SGCD: variants seen among roughly 807,000 people sequenced by gnomAD.
SGCD encodes the protein delta-sarcoglycan.
SGCD carries 18 observed loss-of-function variants against 36.6 expected under a neutral mutation model. The observed-to-expected ratio is 0.49, with a 90% CI of 0.34 to 0.73. The LOEUF (loss-of-function observed/expected upper bound fraction) is 0.73, where lower values mean the gene tolerates loss of function less well. SGCD is among the 30% of genes least tolerant of loss of function. The pLI is 0.01. For synonymous variants in SGCD, 133 were observed against 130.6 expected, an observed-to-expected ratio of 1.02 and a Z score of -0.12; for missense variants, 387 against 346.7, an observed-to-expected ratio of 1.12 and a Z score of -0.92.
chr5:155,835,624 T>C, the SGCD span, among the ~76,000 whole-genome samples: 1 of 152,240 alleles, frequency 6.6e-6, no homozygotes, highest in Non-Finnish European at 1.5e-5. Context: ...ATATCCATTA[T>C]CTCACATAGT....
At chr5:156,212,010 T>C (rs1325895970) in intron 3 of SGCD, among the ~76,000 whole-genome samples, 1 of 151,926 alleles carries the variant, frequency 6.6e-6, no homozygotes, top group Non-Finnish European at 1.5e-5. Flanking sequence ...CGACAAGAGG[T>C]ACACAAATGA....
At chr5:156,358,665 G>A (rs924991181) in intron 3 of SGCD, among the ~76,000 whole-genome samples, 3 of 152,172 alleles carry the variant, frequency 2.0e-5, no homozygotes, top group East Asian at 1.9e-4. Context: ...TCAAATAAAT[G>A]TAAAAGAACA....
rs191466174 is a variant in SGCD at position 156,037,863 on chromosome 5, A to G, written c.-281-80015A>G. ...AGCTCTTTGAAGAAACATAATACTT[A>G]TCATGTCAATATAATATATTGCATC... On this transcript the variant is annotated intron_variant, in intron 1 of 9. Coordinates refer to the SGCD transcript ENST00000517913. Among the ~76,000 whole-genome samples the G allele has an allele frequency of 2.3e-4, 35 of 152,332 alleles. No individual in the cohort carries two copies. The East Asian group carries it at 6.8e-3, about 29-fold the overall frequency.
At chr5:156,452,647 G>T (rs1754071433) in intron 3 of SGCD, among the ~76,000 whole-genome samples, 1 of 152,138 alleles carries the variant, frequency 6.6e-6, no homozygotes, top group Non-Finnish European at 1.5e-5. Context: ...AGGGTCCTTG[G>T]ATTTTCTTTC....
At chr5:156,531,288 T>A (rs1212079382) in intron 4 of SGCD, among the ~76,000 whole-genome samples, 1 of 152,200 alleles carries the variant, frequency 6.6e-6, no homozygotes, top group East Asian at 1.9e-4. Context: ...TTAGACTTTG[T>A]AGCCTCCAGG....
intron 3 of SGCD, among the ~76,000 whole-genome samples, chr5:156,170,170 C>A (rs1203358159): frequency 6.6e-6 from 1 of 152,078 alleles, no homozygotes; most frequent in Non-Finnish European, 1.5e-5. Context: ...ATTAATAAGA[C>A]CCTGAGAGGT....
At chr5:156,651,131 C>T (rs1293265001) in intron 7 of SGCD, among the ~76,000 whole-genome samples, 2 of 152,044 alleles carry the variant, frequency 1.3e-5, no homozygotes, top group Non-Finnish European at 2.9e-5. Flanking sequence ...TTCTTTTGCC[C>T]ACTTTTTAAT....
At chr5:155,984,859 A>C (rs1291139245) in intron 1 of SGCD, among the ~76,000 whole-genome samples, 1 of 152,176 alleles carries the variant, frequency 6.6e-6, no homozygotes, top group Non-Finnish European at 1.5e-5. Flanking sequence ...ATATGCATTT[A>C]TGTAAATTTT....
At position 156,329,541 on chromosome 5, in the gene SGCD, A is replaced by G; in HGVS notation, c.-36A>G. On this transcript the variant is annotated 5_prime_UTR_variant, in exon 2 of 9. Transcript: ENST00000337851. ...CATATTTGTTCCTTGCAGAGACATT[A>G]CTGCCGGGAGTGTTGAGTGAAGGGA... 2 of 1,612,032 alleles carry G rather than the reference A, an allele frequency of 1.2e-6. No homozygotes were observed.
chr5:156,040,499 G>T (rs946025906), intron 1 of SGCD, among the ~76,000 whole-genome samples: 1 of 152,138 alleles, frequency 6.6e-6, no homozygotes, highest in South Asian at 2.1e-4. Context: ...CAGATGACAC[G>T]TGTTTTTATG....
the SGCD span, among the ~76,000 whole-genome samples, chr5:155,836,961 C>G: frequency 1.2e-3 from 184 of 152,214 alleles, no homozygotes; most frequent in African/African-American, 4.3e-3. Context: ...ACTTACTACT[C>G]TCAGAATCAT....
intron 3 of SGCD, among the ~76,000 whole-genome samples, chr5:156,371,281 A>C (rs1328663570): frequency 6.6e-6 from 1 of 152,188 alleles, no homozygotes; most frequent in East Asian, 1.9e-4. Context: ...ACTCTGGAAG[A>C]TGTTTCTCTT....
Position 156,370,050 on chromosome 5 carries a change from G to T in SGCD, c.192+25373G>T, listed in dbSNP as rs535370240. ...AATTGTTAATGATTCAGCATTTCAT[G>T]GCTTGAGTCAGGTGTTCTCAGTGGG... is the stretch of plus-strand genomic sequence containing the variant. On this transcript the variant is annotated intron_variant, in intron 3 of 8. Transcript: ENST00000337851. Among the ~76,000 whole-genome samples, 5 of 151,474 alleles carry T rather than the reference G, an allele frequency of 3.3e-5. 1 individual carries two copies. In the South Asian group the frequency reaches 1.0e-3, roughly 32 times the overall value.
chr5:156,303,199 C>T (rs1767103224), intron 3 of SGCD, among the ~76,000 whole-genome samples: 1 of 152,126 alleles, frequency 6.6e-6, no homozygotes, highest in Admixed American at 6.5e-5. Context: ...AAGACAAAGT[C>T]CTTCCCACTC....
At chr5:156,718,036 A>C (rs1366589461) in intron 7 of SGCD, among the ~76,000 whole-genome samples, 1 of 152,132 alleles carries the variant, frequency 6.6e-6, no homozygotes, top group African/African-American at 2.4e-5. Flanking sequence ...TGGTTATAGT[A>C]AAACATCTTT....
At position 156,072,021 on chromosome 5, in the gene SGCD, C is replaced by T. The variant is rs975415521; in HGVS notation, c.-281-45857C>T. Among the ~76,000 whole-genome samples the T allele has an allele frequency of 3.4e-4, 51 of 152,184 alleles. No homozygotes were observed. In the South Asian group the frequency reaches 4.8e-3, roughly 14 times the overall value. Reference sequence around the variant, plus strand: ...CATCCTTTTATTTTGTGCCTATGTGCGTCTCTGCACGTGAGATGGGTTTCC... The same window carrying T: ...CATCCTTTTATTTTGTGCCTATGTGTGTCTCTGCACGTGAGATGGGTTTCC... On this transcript the variant is annotated intron_variant, in intron 1 of 9. Transcript: ENST00000517913.
At chr5:156,038,236 G>A (rs1009143349) in intron 1 of SGCD, among the ~76,000 whole-genome samples, 3 of 152,070 alleles carry the variant, frequency 2.0e-5, no homozygotes, top group African/African-American at 7.2e-5. Flanking sequence ...AAGGCAGGGA[G>A]ACATTCTACA....
chr5:156,345,552 C>T (rs1768899051), intron 3 of SGCD, among the ~76,000 whole-genome samples: 1 of 152,088 alleles, frequency 6.6e-6, no homozygotes. Context: ...CTAGGTCAGG[C>T]ACATTGGCTC....
the SGCD span, among the ~76,000 whole-genome samples, chr5:155,786,693 G>C: frequency 6.6e-6 from 1 of 152,134 alleles, no homozygotes; most frequent in East Asian, 1.9e-4. Context: ...CCTAAAGAGA[G>C]AACATAATAA....
Sources: allele counts gnomAD v4.1 joint callset (sites outside exome capture counted in the v4.1 genomes callset), GRCh38; gene constraint gnomAD v4.1.1; transcripts MANE v1.5; gene names NCBI Gene and HGNC (gene_info 2026-07-23, HGNC 2026-07-21).